The following SPATA1 variants were observed in gnomAD, a reference collection of about 807,000 sequenced individuals.
SPATA1 encodes spermatogenesis associated 1.
SPATA1 carries 57 observed loss-of-function variants against 59.6 expected under a neutral mutation model. The ratio of observed to expected loss-of-function variants is 0.96; its 90% CI spans 0.77 to 1.19. The LOEUF is 1.19. Ranked by LOEUF, SPATA1 falls within the 50% of genes most tolerant of loss-of-function variation. The pLI, the probability that SPATA1 is intolerant of heterozygous loss-of-function variation, is 0.00. For synonymous variants in SPATA1, 147 were observed against 163.9 expected (o/e 0.90, Z 0.79); for missense variants, 448 against 480.7 (o/e 0.93, Z 0.64).
chr1:84,522,426 G>A, exon 4 of SPATA1: 8 of 1,509,870 alleles, frequency 5.3e-6, no homozygotes, highest in Non-Finnish European at 7.1e-6. Flanking sequence ...CCCTGAGGGA[G>A]CGTCTTGGTG....
At chr1:84,523,861 A>G (rs1033139495) in intron 4 of SPATA1, among the ~76,000 whole-genome samples, 4 of 152,038 alleles carry the variant, frequency 2.6e-5, no homozygotes, top group African/African-American at 9.7e-5. Context: ...CAGTCATAGA[A>G]TCCCAGATTG....
At chr1:84,526,761 A>C (rs1390359721) in intron 6 of SPATA1, among the ~76,000 whole-genome samples, 1 of 151,640 alleles carries the variant, frequency 6.6e-6, no homozygotes, top group Non-Finnish European at 1.5e-5. Context: ...CCAGCTACTC[A>C]GGAGACTGAA....
At chr1:84,518,085 T>G (rs571902434) in intron 2 of SPATA1, among the ~76,000 whole-genome samples, 1 of 152,108 alleles carries the variant, frequency 6.6e-6, no homozygotes, top group Admixed American at 6.5e-5. Flanking sequence ...ACCTTAGAGA[T>G]AATGAAGTAT....
At chr1:84,545,382 G>C (rs114550174) in intron 9 of SPATA1, among the ~76,000 whole-genome samples, 2,732 of 151,768 alleles carry the variant, frequency 0.018, 75 homozygotes, top group African/African-American at 0.061. Context: ...GCTTTACCTA[G>C]TTTCTACACA....
At chr1:84,507,530 A>C (rs1287341455) in intron 1 of SPATA1, among the ~76,000 whole-genome samples, 1 of 152,258 alleles carries the variant, frequency 6.6e-6, no homozygotes, top group Non-Finnish European at 1.5e-5. Flanking sequence ...TCGGAATGAA[A>C]TGACATTATA....
intron 4 of SPATA1, among the ~76,000 whole-genome samples, chr1:84,560,262 T>C (rs59898877): frequency 0.089 from 13,574 of 152,082 alleles, 1,186 homozygotes; most frequent in African/African-American, 0.23. Flanking sequence ...ACCACCACCT[T>C]TCTGTGTAAT....
chr1:84,560,197 C>G (rs1201829805), intron 4 of SPATA1, among the ~76,000 whole-genome samples: 2 of 151,898 alleles, frequency 1.3e-5, no homozygotes, highest in Non-Finnish European at 2.9e-5. Context: ...GAAACTAGAG[C>G]CTCTTTTCCC....
At chr1:84,523,531 C>A (rs1683108684) in intron 4 of SPATA1, among the ~76,000 whole-genome samples, 1 of 152,144 alleles carries the variant, frequency 6.6e-6, no homozygotes, top group Non-Finnish European at 1.5e-5. Flanking sequence ...TTTTATTCAT[C>A]ATTGTATTTA....
At chr1:84,538,974 AT>A (rs34106826) in intron 8 of SPATA1, among the ~76,000 whole-genome samples, 69,034 of 151,626 alleles carry the variant, frequency 0.46, 17,665 homozygotes, top group African/African-American at 0.7. Flanking sequence ...TAATTTTTGT[AT>A]TTTTTTGTAG....
chr1:84,536,856 A>G (rs1466783965), intron 8 of SPATA1, among the ~76,000 whole-genome samples: 1 of 149,654 alleles, frequency 6.7e-6, no homozygotes, highest in East Asian at 2.0e-4. Context: ...AGATAGGACT[A>G]TACTTGATTT....
chr1:84,562,220 A>T (rs1684608507), intron 4 of SPATA1, among the ~76,000 whole-genome samples: 1 of 152,192 alleles, frequency 6.6e-6, no homozygotes, highest in Non-Finnish European at 1.5e-5. Flanking sequence ...ATATTTGGCC[A>T]TGGCACACGT....
chr1:84,558,415 A>G (rs371659113), downstream of SPATA1, among the ~76,000 whole-genome samples: 66 of 149,292 alleles, frequency 4.4e-4, no homozygotes, highest in East Asian at 3.4e-3. Context: ...TCAGCCTCCC[A>G]AGTAGCTGGG....
At chr1:84,519,944 T>C (rs1682949762) in intron 2 of SPATA1, among the ~76,000 whole-genome samples, 1 of 152,168 alleles carries the variant, frequency 6.6e-6, no homozygotes, top group South Asian at 2.1e-4. Context: ...GTTTCTGTTG[T>C]GGTTATATAA....
At position 84,520,591 on chromosome 1, in the gene SPATA1, G is replaced by T; in HGVS notation, c.43G>T (p.Glu15Ter). The change falls in exon 3 of 13, where the codon GAA becomes TAA. Residue 15 changes from glutamate to a stop codon, truncating the protein, a stop_gained. Coordinates refer to ENST00000490879, the Ensembl canonical transcript of SPATA1. LOFTEE classifies it high-confidence loss of function. The stretch of plus-strand genomic sequence containing the variant: ...TTCTTCTCAATTTATTCAGTTGGTG[G>T]AACTTCATGTTTTTTATGTCCCTGA... 1 of 1,537,400 alleles carries T rather than the reference G, an allele frequency of 6.5e-7. No homozygotes were observed. The highest frequency in any genetic ancestry group is 8.7e-7 in the Non-Finnish European group (1 of 1,143,850).
intron 2 of SPATA1, among the ~76,000 whole-genome samples, chr1:84,518,375 A>G (rs1173216449): frequency 1.3e-5 from 2 of 152,136 alleles, no homozygotes; most frequent in Non-Finnish European, 2.9e-5. Context: ...TGATTATGTT[A>G]CAGAGGTCCT....
chr1:84,548,701 T>C lies in SPATA1; in HGVS notation c.947-85T>C, dbSNP rs1214302948. 1.1e-5 allele frequency: 15 copies of C among 1,338,230 alleles called. No homozygotes were observed. The Admixed American group carries it at 5.6e-4, about 50-fold the overall frequency. The allele number at this position is 1,338,230 out of a possible 1,614,324, so 82.9% of individuals were successfully genotyped here. On this transcript the variant is annotated intron_variant, in intron 10 of 12. Transcript: ENST00000490879. ...TAAATTGACATTAGCTCTAGGATCC[T>C]TTCCAGGATGAAAAGTTGAATCCTT...
exon 2 of SPATA1, chr1:84,516,299 G>A: frequency 7.0e-7 from 1 of 1,426,580 alleles, no homozygotes; most frequent in African/African-American, 1.5e-5. Context: ...CTTAAATGAA[G>A]AAAGATAAAA....
chr1:84,565,977 T>C, exon 5 of SPATA1: 1 of 1,578,222 alleles, frequency 6.3e-7, no homozygotes, highest in Non-Finnish European at 8.6e-7. Context: ...ATCTTCTGTC[T>C]ATGTTCTTTG....
chr1:84,540,633 A>T (rs1309550494), intron 8 of SPATA1, among the ~76,000 whole-genome samples: 1 of 152,208 alleles, frequency 6.6e-6, no homozygotes, highest in Non-Finnish European at 1.5e-5. Flanking sequence ...AGTTATAATT[A>T]AATATGTTCA....
Sources: gnomAD v4.1 joint callset for allele counts (sites outside exome capture counted in the v4.1 genomes callset) on GRCh38, gnomAD v4.1.1 for gene constraint, MANE v1.5 for transcripts, NCBI Gene and HGNC (gene_info 2026-07-23, HGNC 2026-07-21) for gene names.